FBXO15: variants seen among roughly 807,000 people sequenced by gnomAD.
FBXO15 encodes F-box protein 15.
FBXO15 carries 30 observed loss-of-function variants against 49.5 expected under a neutral mutation model. The ratio of observed to expected loss-of-function variants is 0.61; its 90% CI spans 0.45 to 0.82. The LOEUF is 0.82. FBXO15 is among the 40% of genes least tolerant of loss of function. FBXO15 has a pLI of 0.00. For synonymous variants in FBXO15, 250 were observed against 232.7 expected (o/e 1.07, Z -0.68); for missense variants, 591 against 631.5 (o/e 0.94, Z 0.69).
At chr18:74,078,889 C>T (rs73968285) in intron 9 of FBXO15, among the ~76,000 whole-genome samples, 7,283 of 152,232 alleles carry the variant, frequency 0.048, 603 homozygotes, top group African/African-American at 0.16. Context: ...CTGCGATTTT[C>T]GGTTGTATCA....
At chr18:74,123,850 C>T (rs1374513920) in intron 7 of FBXO15, among the ~76,000 whole-genome samples, 1 of 152,114 alleles carries the variant, frequency 6.6e-6, no homozygotes, top group Non-Finnish European at 1.5e-5. Flanking sequence ...CAAAAGTGCT[C>T]AGCAGGAAAA....
intron 9 of FBXO15, 94 bp downstream of exon 9, chr18:74,081,833 T>C (rs1912508622): frequency 2.3e-6 from 2 of 875,556 alleles, no homozygotes; most frequent in Non-Finnish European, 3.3e-6. Context: ...AGAAACATCA[T>C]ACATATATGA....
chr18:74,104,335 A>G (rs1481785861), intron 8 of FBXO15, among the ~76,000 whole-genome samples: 1 of 152,158 alleles, frequency 6.6e-6, no homozygotes, highest in Non-Finnish European at 1.5e-5. Flanking sequence ...TCTACCAGAT[A>G]ATATAACAAC....
At position 74,075,160 on chromosome 18, in the gene FBXO15, C is replaced by T. The variant is rs1912208979; in HGVS notation, c.1264-1430G>A. Among the ~76,000 whole-genome samples, 2 of 152,224 alleles carry T rather than the reference C, an allele frequency of 1.3e-5. No individual in the cohort carries two copies. The highest frequency in any genetic ancestry group is 4.1e-4 in the South Asian group (2 of 4,828). Reference sequence around the variant, plus strand: ...GCTCTCTGGGTGGCTCCCTCTCCGCCTCATGGAACAACACCTCATCCCCTC... The same window carrying T: ...GCTCTCTGGGTGGCTCCCTCTCCGCTTCATGGAACAACACCTCATCCCCTC... On this transcript the variant is annotated intron_variant, in intron 9 of 9. Coordinates refer to ENST00000419743, the MANE Select transcript of FBXO15 (RefSeq NM_001142958.2). This position sits in a 1 kb window ranked among gnomAD's most constrained non-coding sequence, Gnocchi z 4.1.
At chr18:74,096,978 A>G (rs1049238571) in intron 8 of FBXO15, 2 of 152,272 alleles carry the variant, frequency 1.3e-5, no homozygotes, top group African/African-American at 4.8e-5. Context: ...TTGAAGGTCT[A>G]GATCACGGGA....
intron 8 of FBXO15, among the ~76,000 whole-genome samples, chr18:74,093,346 G>T (rs530778170): frequency 6.6e-6 from 1 of 152,096 alleles, no homozygotes; most frequent in East Asian, 1.9e-4. Context: ...CATGTGGCTG[G>T]TGCGTGTCAG....
intron 8 of FBXO15, among the ~76,000 whole-genome samples, chr18:74,103,448 A>G (rs1913611258): frequency 6.6e-6 from 1 of 152,052 alleles, no homozygotes; most frequent in South Asian, 2.1e-4. Flanking sequence ...CAAGTAGTAG[A>G]AATCTTACTC....
At chr18:74,117,687 A>T (rs1343660939) in intron 8 of FBXO15, among the ~76,000 whole-genome samples, 1 of 152,184 alleles carries the variant, frequency 6.6e-6, no homozygotes, top group Admixed American at 6.5e-5. Flanking sequence ...CCCACAGCTC[A>T]GGCGTGCTGT....
At chr18:74,113,400 A>G (rs188147947) in intron 8 of FBXO15, among the ~76,000 whole-genome samples, 4 of 152,310 alleles carry the variant, frequency 2.6e-5, no homozygotes, top group African/African-American at 7.2e-5. Flanking sequence ...GTCAAAACTC[A>G]TTAAATATAT....
intron 2 of FBXO15, among the ~76,000 whole-genome samples, chr18:74,138,011 G>A (rs529771816): frequency 1.3e-5 from 2 of 152,130 alleles, no homozygotes; most frequent in East Asian, 1.9e-4. Context: ...AGGTCCCCAC[G>A]GTTTCTGCAC....
At chr18:74,086,559 C>T (rs867744642) in intron 8 of FBXO15, among the ~76,000 whole-genome samples, 6 of 152,136 alleles carry the variant, frequency 3.9e-5, no homozygotes, top group Non-Finnish European at 5.9e-5. Context: ...TACAGGCGCC[C>T]GCCACCACGC....
At chr18:74,088,772 T>C (rs894862753) in intron 8 of FBXO15, among the ~76,000 whole-genome samples, 1 of 152,250 alleles carries the variant, frequency 6.6e-6, no homozygotes. Context: ...GGAATAACAC[T>C]GAATCTATAA....
intron 5 of FBXO15, among the ~76,000 whole-genome samples, chr18:74,128,414 CAG>C (rs1978299432): frequency 2.6e-5 from 4 of 151,778 alleles, no homozygotes; most frequent in African/African-American, 9.7e-5. Flanking sequence ...GCACTAATGT[CAG>C]ATATCACAGT....
At chr18:74,109,984 A>T (rs887103966) in intron 8 of FBXO15, among the ~76,000 whole-genome samples, 10 of 151,678 alleles carry the variant, frequency 6.6e-5, no homozygotes, top group African/African-American at 2.2e-4. Flanking sequence ...ATAATAATTT[A>T]AAAAAAAGGA....
At chr18:74,110,662 C>A (rs1222544826) in intron 8 of FBXO15, among the ~76,000 whole-genome samples, 2 of 151,498 alleles carry the variant, frequency 1.3e-5, no homozygotes, top group African/African-American at 4.9e-5. Context: ...TATATATTGC[C>A]TATGAGAAAC....
intron 8 of FBXO15, among the ~76,000 whole-genome samples, chr18:74,084,843 A>G (rs1912670431): frequency 1.3e-5 from 2 of 152,314 alleles, no homozygotes; most frequent in Middle Eastern, 6.8e-3. Flanking sequence ...GGATACAAAC[A>G]GCACTTGATA....
In FBXO15 at chr18:74,129,604, A is replaced by G; in HGVS notation, c.586T>C (p.Leu196=). The G allele has an allele frequency of 6.2e-7, 1 of 1,609,652 alleles. No individual in the cohort carries two copies. Among genetic ancestry groups the G allele is most frequent in the Non-Finnish European group, 8.5e-7 (1 of 1,179,096 alleles). ...TCTTTCAGTATAATTGCCCAACCTA[A>G]ACCAAATATTCTGGAGAAAGAAAAA... ...KTKEALRIFG[L]GWAIILKEKG... is the part of the protein sequence containing the mutation. The change falls in exon 5 of 10, where the codon TTA becomes CTA. Residue 196 remains leucine, a synonymous_variant. Transcript: ENST00000419743.
chr18:74,107,193 T>TA (rs200161286), intron 8 of FBXO15, among the ~76,000 whole-genome samples: 2,276 of 128,394 alleles, frequency 0.018, 36 homozygotes, highest in African/African-American at 0.055. Flanking sequence ...TGATATTCTG[T>TA]AAAAAAAAAA....
rs138048701 is a variant in FBXO15 at position 74,124,085 on chromosome 18, G to A, written c.995+404C>T. 6.0e-4 allele frequency among the ~76,000 whole-genome samples: 91 copies of A among 152,100 alleles called. 1 individual carries two copies. The highest frequency in any genetic ancestry group is 2.2e-3 in the African/African-American group (90 of 41,502). ...AAGCCTGTGCGCCACCTAAAGACGC[G>A]CAAATTCATTAAAAGACACACACTG... On this transcript the variant is annotated intron_variant, in intron 7 of 9. Coordinates refer to ENST00000419743, the MANE Select transcript of FBXO15 (RefSeq NM_001142958.2).
Sources: allele counts gnomAD v4.1 joint callset (sites outside exome capture counted in the v4.1 genomes callset), GRCh38; gene constraint gnomAD v4.1.1; non-coding constraint Gnocchi (gnomAD v3.1); transcripts MANE v1.5; gene names NCBI Gene and HGNC (gene_info 2026-07-23, HGNC 2026-07-21).